Variants in GABRA4 observed in about 807,000 individuals in gnomAD.
GABRA4 encodes gamma-aminobutyric acid type A receptor subunit alpha4.
In GABRA4, 12 loss-of-function variants were observed where a neutral mutation model predicts 49.7. The observed-to-expected ratio is 0.24, with a 90% confidence interval of 0.15 to 0.39. GABRA4 has a LOEUF of 0.39. Ranked by LOEUF, GABRA4 falls within the 10% of genes least tolerant of loss-of-function variation. The pLI is 1.00. For synonymous variants in GABRA4, 288 were observed against 240.2 expected (o/e 1.20, Z -1.84); for missense variants, 506 against 686.0 (o/e 0.74, Z 2.93).
chr4:46,993,306 G>T (rs772619351), intron 1 of GABRA4, 33 bp downstream of exon 1: 30 of 1,586,858 alleles, frequency 1.9e-5, no homozygotes, highest in South Asian at 1.3e-4. Flanking sequence ...TCCACTTTCC[G>T]TTGCCCACCT....
chr4:46,952,830 GA>G (rs531673103), intron 8 of GABRA4, among the ~76,000 whole-genome samples: 8 of 150,782 alleles, frequency 5.3e-5, no homozygotes, highest in South Asian at 2.1e-4. Context: ...GATATAAATG[GA>G]AAAAAAAGAT....
intron 8 of GABRA4, among the ~76,000 whole-genome samples, chr4:46,956,357 T>C (rs1722360315): frequency 6.6e-6 from 1 of 152,108 alleles, no homozygotes; most frequent in African/African-American, 2.4e-5. Flanking sequence ...AAATAAGATT[T>C]GTTGCATGTT....
At position 46,946,259 on chromosome 4, in the gene GABRA4, T is replaced by A. The variant is rs1227562179; in HGVS notation, c.1135-17504A>T. Among the ~76,000 whole-genome samples the A allele has an allele frequency of 3.3e-5, 5 of 152,282 alleles. No homozygotes were observed. In the South Asian group the frequency reaches 1.0e-3, roughly 32 times the overall value. ...TGAATTTCATCAAAGTGGAAACTGATAGATTCTAGCCAGCTATATTGCAAC... is the reference window on the plus strand; with the variant it reads ...TGAATTTCATCAAAGTGGAAACTGAAAGATTCTAGCCAGCTATATTGCAAC... On this transcript the variant is annotated intron_variant, in intron 8 of 8. Coordinates refer to ENST00000264318, the MANE Select transcript of GABRA4 (RefSeq NM_000809.4).
chr4:46,941,609 C>T (rs1455283014), intron 8 of GABRA4, among the ~76,000 whole-genome samples: 2 of 152,050 alleles, frequency 1.3e-5, no homozygotes, highest in African/African-American at 4.8e-5. Context: ...TCCATTATTT[C>T]TATACTCAGA....
intron 7 of GABRA4, among the ~76,000 whole-genome samples, chr4:46,970,409 T>C (rs180953938): frequency 1.3e-4 from 19 of 151,620 alleles, no homozygotes; most frequent in Admixed American, 1.2e-3. Context: ...AATATAATTA[T>C]AACAAATTAT....
At chr4:46,978,687 C>CAAAAAAAAAAAAAAAAAAAAAAAA (rs71193889) in intron 3 of GABRA4, among the ~76,000 whole-genome samples, 52 of 21,596 alleles carry the variant, frequency 2.4e-3, no homozygotes, top group East Asian at 6.4e-3. Flanking sequence ...AACTTCATCT[C>CAAAAAAAAAAAAAAAAAAAAAAAA]AAAAAAAAAA....
At chr4:46,967,740 C>T (rs530891796) in intron 7 of GABRA4, among the ~76,000 whole-genome samples, 3 of 151,694 alleles carry the variant, frequency 2.0e-5, no homozygotes, top group African/African-American at 7.2e-5. Context: ...AAAAATATAT[C>T]CAATTATTGA....
Position 46,919,730 on chromosome 4 carries a change from G to T in GABRA4, c.*8495C>A, listed in dbSNP as rs987708236. 2 of 151,554 alleles carry T rather than the reference G, an allele frequency of 1.3e-5. No homozygotes were observed. Among genetic ancestry groups the T allele is most frequent in the African/African-American group, 4.8e-5 (2 of 41,390 alleles). 9.4% of individuals were successfully genotyped at this position (151,554 alleles called of 1,614,324 possible). ...ACAACACTTCAGCTGAGAAATCAAA[G>T]AAAAGCTTTATTTCTTCTGGAGTTT... On this transcript the variant is annotated 3_prime_UTR_variant, in exon 9 of 9. Coordinates refer to ENST00000264318, the MANE Select transcript of GABRA4 (RefSeq NM_000809.4).
chr4:46,942,102 C>A (rs1721820657), intron 8 of GABRA4, among the ~76,000 whole-genome samples: 1 of 152,090 alleles, frequency 6.6e-6, no homozygotes, highest in African/African-American at 2.4e-5. Flanking sequence ...AGTTACTCAT[C>A]CCATTATTCA....
intron 2 of GABRA4, among the ~76,000 whole-genome samples, chr4:46,985,137 A>G (rs1020838515): frequency 4.6e-5 from 7 of 152,112 alleles, no homozygotes; most frequent in Non-Finnish European, 8.8e-5. Flanking sequence ...TTTTAGCAAT[A>G]TATAATTAAG....
At chr4:46,989,221 A>T (rs1168899692) in intron 2 of GABRA4, among the ~76,000 whole-genome samples, 2 of 152,220 alleles carry the variant, frequency 1.3e-5, no homozygotes, top group African/African-American at 4.8e-5. Context: ...AGGTTTCCTA[A>T]ACCATTTCCT....
chr4:46,969,290 G>A (rs373689561), intron 7 of GABRA4, among the ~76,000 whole-genome samples: 16 of 151,432 alleles, frequency 1.1e-4, no homozygotes, highest in East Asian at 1.9e-4. Context: ...TTTTTTATGC[G>A]TAAAATATAA....
In GABRA4 at chr4:46,965,301, C is replaced by T. The variant is rs570625371; in HGVS notation, c.875-72G>A. On this transcript the variant is annotated intron_variant, in intron 7 of 8. Transcript: ENST00000264318. ...TATTAAAAAGCACCGCCACCACCAA[C>T]AAAAACCTAGAAAATCATGTGGAAT... The T allele has an allele frequency of 3.9e-6, 5 of 1,274,344 alleles. No homozygotes were observed. The Admixed American group carries it at 8.6e-5, about 22-fold the overall frequency. 78.9% of individuals were successfully genotyped at this position (1,274,344 alleles called of 1,614,324 possible).
chr4:46,957,333 T>G (rs1279751701), intron 8 of GABRA4, among the ~76,000 whole-genome samples: 1 of 151,986 alleles, frequency 6.6e-6, no homozygotes, highest in Non-Finnish European at 1.5e-5. Flanking sequence ...ATTCTTTTTT[T>G]AACATAATCT....
At position 46,993,413 on chromosome 4, in the gene GABRA4, G is replaced by C. The variant is rs767495129; in HGVS notation, c.12C>G (p.Ala4=). ...ACAGAGCGATCGCGGGTACCTTCTT[G>C]GCAGAAACCATCTTTGCAACATGCC... MVS[A]KKVPAIALSA... is the part of the protein sequence containing the mutation. The change falls in exon 1 of 9, where the codon GCC becomes GCG. Residue 4 remains alanine (A), a synonymous_variant. Coordinates refer to ENST00000264318, the MANE Select transcript of GABRA4 (RefSeq NM_000809.4). 6.2e-7 allele frequency: 1 copy of C among 1,614,200 alleles called. No individual in the cohort carries two copies. Among genetic ancestry groups the C allele is most frequent in the Non-Finnish European group, 8.5e-7 (1 of 1,180,018 alleles).
chr4:46,975,678 T>A (rs1445500325), intron 5 of GABRA4, among the ~76,000 whole-genome samples: 1 of 151,988 alleles, frequency 6.6e-6, no homozygotes, highest in Non-Finnish European at 1.5e-5. Context: ...ACACGAACTA[T>A]GTTCAAGTCC....
intron 8 of GABRA4, among the ~76,000 whole-genome samples, chr4:46,954,980 T>C (rs1320978740): frequency 6.6e-6 from 1 of 152,120 alleles, no homozygotes; most frequent in Admixed American, 6.6e-5. Context: ...GAGTTTGTTA[T>C]AAAGATTAGA....
At chr4:46,957,213 C>A (rs1320473287) in intron 8 of GABRA4, among the ~76,000 whole-genome samples, 1 of 151,782 alleles carries the variant, frequency 6.6e-6, no homozygotes, top group Non-Finnish European at 1.5e-5. Flanking sequence ...TCCTCAAGAT[C>A]CTAGAGCTCG....
intron 2 of GABRA4, 121 bp downstream of exon 2, chr4:46,992,703 TAGAA>T (rs1204153449): frequency 1.9e-5 from 14 of 739,630 alleles, no homozygotes; most frequent in Admixed American, 1.2e-4. Flanking sequence ...AGAGGAGAGA[TAGAA>T]AGAGAGAGAG....
Sources: gnomAD v4.1 joint callset for allele counts (sites outside exome capture counted in the v4.1 genomes callset) on GRCh38, gnomAD v4.1.1 for gene constraint, MANE v1.5 for transcripts, NCBI Gene and HGNC (gene_info 2026-07-23, HGNC 2026-07-21) for gene names.